HS1BP3: variants seen among roughly 807,000 people sequenced by gnomAD.
HS1BP3 encodes the protein HCLS1 binding protein 3, also known as HCLS1-binding protein 3.
In HS1BP3, 32 loss-of-function variants were observed where a neutral mutation model predicts 33.5. That is an observed-to-expected ratio of 0.95 (90% CI 0.72 to 1.28). The LOEUF (loss-of-function observed/expected upper bound fraction) is 1.28. HS1BP3 is among the 50% of genes most tolerant of loss of function. The pLI, the probability that HS1BP3 is intolerant of heterozygous loss-of-function variation, is 0.00. For missense variants in HS1BP3, 486 were observed against 502.3 expected (o/e 0.97, Z 0.31); for synonymous variants, 187 against 209.2 (o/e 0.89, Z 0.92).
downstream of HS1BP3, among the ~76,000 whole-genome samples, chr2:20,591,647 T>C (rs1299402520): frequency 6.6e-6 from 1 of 152,186 alleles, no homozygotes; most frequent in Non-Finnish European, 1.5e-5. Flanking sequence ...TCTTGGCTCA[T>C]TGCAACCTCT....
chr2:20,601,998 T>C lies in HS1BP3; in HGVS notation c.179-3733A>G, dbSNP rs143894193. 4.7e-4 allele frequency among the ~76,000 whole-genome samples: 72 copies of C among 151,758 alleles called. 1 individual carries two copies. The East Asian group carries it at 0.012, about 25-fold the overall frequency. ...GCTCATATTTGTGTTTTTTGAAAGA[T>C]TACTACAGCAAGGACAATTTTGTGT... On this transcript the variant is annotated intron_variant, in intron 2 of 3. Transcript: ENST00000415264.
rs546369937 is a variant in HS1BP3 at position 20,582,181 on chromosome 2, G to A, written c.303-21666C>T. ...GCAGGGTGTGACCACCACACTGTGGGCTGCCTTCCTGGAGGCGAAGGCTCC... is the reference window on the plus strand; with the variant it reads ...GCAGGGTGTGACCACCACACTGTGGACTGCCTTCCTGGAGGCGAAGGCTCC... On this transcript the variant is annotated intron_variant, in intron 5 of 5. Coordinates refer to the HS1BP3 transcript ENST00000446825. Among the ~76,000 whole-genome samples the A allele has an allele frequency of 2.0e-5, 3 of 152,334 alleles. No homozygotes were observed. In the East Asian group the frequency reaches 5.8e-4, roughly 29 times the overall value.
In HS1BP3 at chr2:20,626,705, G is replaced by A. The variant is rs529895535; in HGVS notation, c.624-1813C>T. 1.5e-4 allele frequency among the ~76,000 whole-genome samples: 23 copies of A among 152,260 alleles called. No homozygotes were observed. In the South Asian group the frequency reaches 4.6e-3, roughly 30 times the overall value. ...GCTTTCTCCACCCAGCTCAGGCCAT[G>A]AGGGACCTCCTCTGCTGTGCACCAC... On this transcript the variant is annotated intron_variant, in intron 4 of 6. Coordinates refer to ENST00000304031, the MANE Select transcript of HS1BP3 (RefSeq NM_022460.4).
At chr2:20,605,706 T>C (rs1694162487) in intron 2 of HS1BP3, among the ~76,000 whole-genome samples, 1 of 152,222 alleles carries the variant, frequency 6.6e-6, no homozygotes. Context: ...GACTGGCTTC[T>C]TTCACTCAGC....
chr2:20,582,250 G>T (rs1693552097), intron 5 of HS1BP3, among the ~76,000 whole-genome samples: 1 of 152,202 alleles, frequency 6.6e-6, no homozygotes, highest in Non-Finnish European at 1.5e-5. Flanking sequence ...GTGTAGAATA[G>T]CCTTGAGAGA....
intron 1 of HS1BP3, among the ~76,000 whole-genome samples, chr2:20,646,226 C>T (rs913130622): frequency 1.2e-4 from 18 of 152,226 alleles, no homozygotes; most frequent in African/African-American, 4.3e-4. Flanking sequence ...AGGTGAGACA[C>T]AGACCTGTGC....
intron 2 of HS1BP3, among the ~76,000 whole-genome samples, chr2:20,603,094 G>A (rs1409670914): frequency 6.6e-6 from 1 of 152,208 alleles, no homozygotes. Context: ...TAGGGAGGAG[G>A]TGGAGAAATG....
chr2:20,584,508 T>G (rs1301760872), intron 5 of HS1BP3, among the ~76,000 whole-genome samples: 1 of 152,186 alleles, frequency 6.6e-6, no homozygotes, highest in Non-Finnish European at 1.5e-5. Context: ...GCCAACTGCA[T>G]AAGGCTCTTC....
intron 3 of HS1BP3, among the ~76,000 whole-genome samples, chr2:20,595,626 C>T (rs1693925666): frequency 6.6e-6 from 1 of 152,222 alleles, no homozygotes; most frequent in Non-Finnish European, 1.5e-5. Context: ...GTGCTGCGGC[C>T]CTTCCTCGAC....
chr2:20,640,791 G>T, intron 3 of HS1BP3, 182 bp downstream of exon 3: 1 of 645,502 alleles, frequency 1.5e-6, no homozygotes, highest in Non-Finnish European at 2.8e-6. Flanking sequence ...AGTCCCTCAA[G>T]GGTAGGCCTC....
At chr2:20,563,142 G>C (rs1693041790) in intron 5 of HS1BP3, among the ~76,000 whole-genome samples, 1 of 152,184 alleles carries the variant, frequency 6.6e-6, no homozygotes, top group African/African-American at 2.4e-5. Context: ...AGCCTGCCCT[G>C]CTCAGGCCAT....
intron 5 of HS1BP3, among the ~76,000 whole-genome samples, chr2:20,564,205 T>C (rs925522578): frequency 1.6e-4 from 25 of 152,206 alleles, no homozygotes; most frequent in African/African-American, 6.0e-4. Flanking sequence ...CTCTAGTCTC[T>C]CTAACAGGTG....
intron 6 of HS1BP3, chr2:20,622,276 T>C: frequency 7.7e-7 from 1 of 1,304,640 alleles, no homozygotes; most frequent in Non-Finnish European, 1.0e-6. Flanking sequence ...TGGTTCCTGC[T>C]CTCAAGAAGC....
At chr2:20,630,973 GGGATGTA>G (rs568730540) in intron 4 of HS1BP3, among the ~76,000 whole-genome samples, 121 of 152,290 alleles carry the variant, frequency 7.9e-4, no homozygotes, top group South Asian at 1.4e-3. Flanking sequence ...GCAGCAGAGG[GGGATGTA>G]GGAGAACTTG....
At chr2:20,585,441 C>A (rs746356241) in intron 5 of HS1BP3, among the ~76,000 whole-genome samples, 5 of 152,184 alleles carry the variant, frequency 3.3e-5, no homozygotes, top group Non-Finnish European at 5.9e-5. Context: ...AACTGAATCC[C>A]TACAATGCAC....
intron 2 of HS1BP3, among the ~76,000 whole-genome samples, chr2:20,598,804 C>T (rs1694006360): frequency 6.6e-6 from 1 of 152,130 alleles, no homozygotes; most frequent in South Asian, 2.1e-4. Flanking sequence ...GTGATCCGCC[C>T]GCCTCGGCCT....
intron 5 of HS1BP3, among the ~76,000 whole-genome samples, chr2:20,584,646 C>T (rs545402861): frequency 1.3e-5 from 2 of 151,528 alleles, no homozygotes; most frequent in South Asian, 4.2e-4. Flanking sequence ...TGGTTTGGTC[C>T]GCTAACTGCT....
At chr2:20,631,122 G>C (rs1303224655) in intron 4 of HS1BP3, among the ~76,000 whole-genome samples, 1 of 152,190 alleles carries the variant, frequency 6.6e-6, no homozygotes, top group Non-Finnish European at 1.5e-5. Flanking sequence ...AGTCAGCGCA[G>C]GGCCGTGGCA....
intron 2 of HS1BP3, among the ~76,000 whole-genome samples, chr2:20,610,260 G>C (rs538835734): frequency 6.6e-6 from 1 of 152,232 alleles, no homozygotes; most frequent in African/African-American, 2.4e-5. Flanking sequence ...GTTCACTCTT[G>C]GTGCGGTGCA....
Sources: allele counts gnomAD v4.1 joint callset (sites outside exome capture counted in the v4.1 genomes callset), GRCh38; gene constraint gnomAD v4.1.1; transcripts MANE v1.5; gene names NCBI Gene and HGNC (gene_info 2026-07-23, HGNC 2026-07-21).